DNAH8: variants seen among roughly 807,000 people sequenced by gnomAD.
DNAH8 encodes the protein dynein axonemal heavy chain 8.
In DNAH8, 382 loss-of-function variants were observed where a neutral mutation model predicts 562.1. That is an observed-to-expected ratio of 0.68 (90% CI 0.63 to 0.74). DNAH8 has a LOEUF of 0.74. DNAH8 is among the 30% of genes least tolerant of loss of function. The pLI is 0.00. For synonymous variants in DNAH8, 1,881 were observed against 1,919.4 expected (o/e 0.98, Z 0.52); for missense variants, 5,203 against 5,620.4 (o/e 0.93, Z 2.37).
intron 4 of DNAH8, among the ~76,000 whole-genome samples, chr6:38,733,486 T>C (rs534809467): frequency 6.6e-6 from 1 of 152,156 alleles, no homozygotes; most frequent in African/African-American, 2.4e-5. Context: ...ATCTGAAAGA[T>C]GAGTAGGAAT....
intron 5 of DNAH8, 124 bp downstream of exon 5, chr6:38,734,749 T>A: frequency 1.9e-6 from 2 of 1,055,442 alleles, no homozygotes; most frequent in Non-Finnish European, 2.6e-6. Context: ...AGAAAATAAA[T>A]GTATTCATAT....
intron 88 of DNAH8, among the ~76,000 whole-genome samples, chr6:38,999,837 A>G (rs1296799327): frequency 1.3e-5 from 2 of 151,472 alleles, no homozygotes; most frequent in African/African-American, 4.8e-5. Context: ...GTCATATTAT[A>G]TAATAGATAT....
chr6:38,844,844 C>G (rs1010555969), intron 35 of DNAH8, among the ~76,000 whole-genome samples: 1 of 152,178 alleles, frequency 6.6e-6, no homozygotes, highest in Non-Finnish European at 1.5e-5. Context: ...TCCTCCTCTA[C>G]GAAGCTGTTC....
At chr6:38,746,887 C>G (rs1368060577) in intron 8 of DNAH8, among the ~76,000 whole-genome samples, 3 of 151,704 alleles carry the variant, frequency 2.0e-5, no homozygotes, top group African/African-American at 7.3e-5. Context: ...TGAGATTGTG[C>G]CACTGCACTC....
Position 38,873,018 on chromosome 6 carries a change from T to A in DNAH8, c.7350T>A (p.Ile2450=). ...TGACGTTAGCTAATGGAGATCGCATTCCCATGGCCCCTAGTTGTAAGCTTC... is the reference window on the plus strand; with the variant it reads ...TGACGTTAGCTAATGGAGATCGCATACCCATGGCCCCTAGTTGTAAGCTTC... ...KTLTLANGDR[I]PMAPSCKLLF... is the part of the protein sequence containing the mutation. Residue 2450 remains isoleucine, a synonymous_variant, in exon 51 of 93, where the codon ATT becomes ATA. Transcript: ENST00000327475. The A allele has an allele frequency of 6.2e-7, 1 of 1,614,134 alleles. No individual in the cohort carries two copies. Among genetic ancestry groups the A allele is most frequent in the Non-Finnish European group, 8.5e-7 (1 of 1,179,994 alleles).
intron 3 of DNAH8, among the ~76,000 whole-genome samples, chr6:38,727,691 T>C (rs1292216973): frequency 1.3e-5 from 2 of 152,202 alleles, no homozygotes; most frequent in African/African-American, 4.8e-5. Context: ...ATTTATAAAG[T>C]TTTTTCAAAC....
At chr6:38,880,580 C>T (rs1213467557) in intron 53 of DNAH8, among the ~76,000 whole-genome samples, 1 of 152,158 alleles carries the variant, frequency 6.6e-6, no homozygotes, top group Non-Finnish European at 1.5e-5. Flanking sequence ...GTAAAGAACT[C>T]CTATAATCCA....
Position 39,027,598 on chromosome 6 carries a change from C to T in DNAH8, c.13836+931C>T, listed in dbSNP as rs112746892. Among the ~76,000 whole-genome samples the T allele has an allele frequency of 9.1e-3, 1,391 of 152,202 alleles. 23 individuals carry two copies. Among genetic ancestry groups the T allele is most frequent in the African/African-American group, 0.031 (1,266 of 41,508 alleles). ...ATCCCAGCACTTTGGGAGGCCAAGG[C>T]GGGAGGATCACTTGAGGTCAGGAGT... On this transcript the variant is annotated intron_variant, in intron 92 of 92. Transcript: ENST00000327475.
At chr6:38,813,186 T>C (rs1459500580) in intron 24 of DNAH8, among the ~76,000 whole-genome samples, 1 of 152,214 alleles carries the variant, frequency 6.6e-6, no homozygotes, top group Non-Finnish European at 1.5e-5. Flanking sequence ...TCTTTCTTAT[T>C]CTCAAATTAC....
At chr6:38,946,814 GA>G (rs34693364) in intron 80 of DNAH8, among the ~76,000 whole-genome samples, 18,990 of 150,338 alleles carry the variant, frequency 0.13, 1,421 homozygotes, top group East Asian at 0.3. Flanking sequence ...TGTCTTGGGG[GA>G]AAAAAAAAGA....
intron 21 of DNAH8, among the ~76,000 whole-genome samples, chr6:38,801,494 C>T (rs980314735): frequency 1.3e-5 from 2 of 152,122 alleles, no homozygotes; most frequent in African/African-American, 4.8e-5. Flanking sequence ...GTGTCTGGTT[C>T]CTGAGGGGAT....
At chr6:38,962,977 A>G (rs1450076589) in intron 82 of DNAH8, among the ~76,000 whole-genome samples, 1 of 152,154 alleles carries the variant, frequency 6.6e-6, no homozygotes, top group Non-Finnish European at 1.5e-5. Flanking sequence ...ACTGGGGAGA[A>G]AAGGTTTGAG....
At chr6:38,950,154 C>A (rs1761760999) in intron 81 of DNAH8, among the ~76,000 whole-genome samples, 1 of 142,056 alleles carries the variant, frequency 7.0e-6, no homozygotes, top group African/African-American at 2.8e-5. Flanking sequence ...AACTCAGAGA[C>A]CTTCCACATT....
chr6:38,971,392 C>T (rs1055054483), intron 82 of DNAH8, among the ~76,000 whole-genome samples, 200 bp from the exon 83 acceptor site: 2 of 152,052 alleles, frequency 1.3e-5, no homozygotes, highest in African/African-American at 2.4e-5. Context: ...CACGCTTTTC[C>T]GGGTGGTGCC....
At chr6:38,887,922 T>G (rs939392882) in intron 57 of DNAH8, among the ~76,000 whole-genome samples, 1 of 143,760 alleles carries the variant, frequency 7.0e-6, no homozygotes, top group Non-Finnish European at 1.5e-5. Flanking sequence ...CTGCAACCGC[T>G]GACTCCTGGG....
intron 18 of DNAH8, among the ~76,000 whole-genome samples, chr6:38,788,403 G>A (rs1769389258): frequency 6.6e-6 from 1 of 152,164 alleles, no homozygotes; most frequent in Admixed American, 6.5e-5. Context: ...ACCCACCTCA[G>A]CAACCCAAAG....
At chr6:38,990,597 G>T (rs1284062524) in intron 88 of DNAH8, among the ~76,000 whole-genome samples, 1 of 152,158 alleles carries the variant, frequency 6.6e-6, no homozygotes, top group Non-Finnish European at 1.5e-5. Flanking sequence ...TCGTATTTCT[G>T]CCTGGTCCTC....
chr6:38,806,043 G>C (rs1191636225), intron 23 of DNAH8, among the ~76,000 whole-genome samples: 1 of 152,206 alleles, frequency 6.6e-6, no homozygotes, highest in African/African-American at 2.4e-5. Flanking sequence ...TCCCCCAGGA[G>C]AAGCCCTAGA....
intron 91 of DNAH8, among the ~76,000 whole-genome samples, chr6:39,014,431 A>C (rs901651887): frequency 2.0e-5 from 3 of 152,096 alleles, no homozygotes; most frequent in Non-Finnish European, 2.9e-5. Context: ...GGATTGTTTG[A>C]CCACCTCCCA....
Sources: allele counts gnomAD v4.1 joint callset (sites outside exome capture counted in the v4.1 genomes callset), GRCh38; gene constraint gnomAD v4.1.1; transcripts MANE v1.5; gene names NCBI Gene and HGNC (gene_info 2026-07-23, HGNC 2026-07-21).